The following UNC5D variants were observed in gnomAD, a reference collection of about 807,000 sequenced individuals.
UNC5D encodes the protein netrin receptor UNC5D.
UNC5D carries 39 observed loss-of-function variants against 105.4 expected under a neutral mutation model. The ratio of observed to expected loss-of-function variants is 0.37; its 90% CI spans 0.29 to 0.48. The LOEUF is 0.48. Among genes scored for constraint, UNC5D ranks in the 20% least tolerant of loss-of-function variants. The pLI is 0.98. For missense variants in UNC5D, 991 were observed against 1,202.4 expected, an observed-to-expected ratio of 0.82 and a Z score of 2.60; for synonymous variants, 452 against 450.4, an observed-to-expected ratio of 1.00 and a Z score of -0.04.
At chr8:35,643,484 T>C (rs1281357778) in intron 4 of UNC5D, among the ~76,000 whole-genome samples, 1 of 152,124 alleles carries the variant, frequency 6.6e-6, no homozygotes. Flanking sequence ...CCCCAGCTAA[T>C]TTTTGTATTT....
chr8:35,533,704 G>A (rs924524505), intron 1 of UNC5D, among the ~76,000 whole-genome samples: 2 of 152,194 alleles, frequency 1.3e-5, no homozygotes, highest in African/African-American at 4.8e-5. Context: ...GCGAGATTCC[G>A]TGGGCGTAGG....
At chr8:35,663,460 G>T (rs758382003) in intron 4 of UNC5D, among the ~76,000 whole-genome samples, 1 of 152,162 alleles carries the variant, frequency 6.6e-6, no homozygotes, top group Non-Finnish European at 1.5e-5. Flanking sequence ...GAGCCTTCTG[G>T]CTTAAAGGTA....
At chr8:35,622,352 A>G (rs1821413147) in intron 4 of UNC5D, among the ~76,000 whole-genome samples, 1 of 152,126 alleles carries the variant, frequency 6.6e-6, no homozygotes, top group Admixed American at 6.6e-5. Flanking sequence ...CAAAACAAAC[A>G]AACAAACAAA....
intron 1 of UNC5D, among the ~76,000 whole-genome samples, chr8:35,435,727 A>G (rs1806962931): frequency 6.6e-6 from 1 of 152,080 alleles, no homozygotes; most frequent in South Asian, 2.1e-4. Context: ...TAAAACTTGA[A>G]TTTCAAGTGT....
chr8:35,244,320 C>A (rs1338046124), intron 1 of UNC5D, among the ~76,000 whole-genome samples: 1 of 152,160 alleles, frequency 6.6e-6, no homozygotes, highest in Non-Finnish European at 1.5e-5. Context: ...TTTATTAGCA[C>A]ATGGATTGAT....
chr8:35,736,806 G>A (rs778026813), intron 11 of UNC5D, among the ~76,000 whole-genome samples: 18 of 152,182 alleles, frequency 1.2e-4, no homozygotes, highest in Non-Finnish European at 1.9e-4. Context: ...AAAGCAGAGC[G>A]AAATATGAAA....
chr8:35,701,954 G>A (rs938565136), intron 7 of UNC5D, among the ~76,000 whole-genome samples: 6 of 149,352 alleles, frequency 4.0e-5, no homozygotes, highest in African/African-American at 1.2e-4. Flanking sequence ...CAACTACCTA[G>A]TAACTGTGTA....
intron 16 of UNC5D, among the ~76,000 whole-genome samples, chr8:35,790,075 T>C (rs929771415): frequency 2.6e-5 from 4 of 152,114 alleles, no homozygotes; most frequent in South Asian, 4.1e-4. Flanking sequence ...GACTGTGCCA[T>C]TGCACTCCAG....
chr8:35,236,997 T>G (rs1391441153), intron 1 of UNC5D, among the ~76,000 whole-genome samples: 1 of 151,606 alleles, frequency 6.6e-6, no homozygotes, highest in Non-Finnish European at 1.5e-5. Context: ...GCCTGGAGAG[T>G]GAAAGGGTGG....
chr8:35,668,903 C>T (rs549325324), intron 4 of UNC5D, among the ~76,000 whole-genome samples: 1 of 152,060 alleles, frequency 6.6e-6, no homozygotes, highest in African/African-American at 2.4e-5. Context: ...TCTTGGTTTT[C>T]ATGATTCATG....
chr8:35,336,182 A>G (rs912448168), intron 1 of UNC5D, among the ~76,000 whole-genome samples: 8 of 152,190 alleles, frequency 5.3e-5, no homozygotes, highest in African/African-American at 1.9e-4. Context: ...AGAAGAGGTA[A>G]TATAAAGAAA....
intron 1 of UNC5D, among the ~76,000 whole-genome samples, chr8:35,394,916 T>C (rs578109439): frequency 4.6e-5 from 7 of 152,322 alleles, no homozygotes; most frequent in African/African-American, 1.4e-4. Context: ...ATACCCTTTT[T>C]GTATCCCAGA....
At chr8:35,318,410 A>G (rs895481494) in intron 1 of UNC5D, among the ~76,000 whole-genome samples, 1 of 152,096 alleles carries the variant, frequency 6.6e-6, no homozygotes, top group East Asian at 1.9e-4. Flanking sequence ...TAAGACACAT[A>G]CAATGAGGAT....
At chr8:35,477,210 G>A (rs28641967) in intron 1 of UNC5D, among the ~76,000 whole-genome samples, 1,927 of 152,150 alleles carry the variant, frequency 0.013, 55 homozygotes, top group African/African-American at 0.044. Flanking sequence ...GAATTTTAAC[G>A]TGTTCAAGCC....
intron 1 of UNC5D, among the ~76,000 whole-genome samples, chr8:35,239,485 T>C (rs1283204868): frequency 7.9e-6 from 1 of 127,386 alleles, no homozygotes; most frequent in Admixed American, 8.2e-5. Flanking sequence ...TTTGATATCC[T>C]TCCCTTCTGC....
At chr8:35,613,400 G>A (rs1240214531) in intron 4 of UNC5D, among the ~76,000 whole-genome samples, 35 of 152,208 alleles carry the variant, frequency 2.3e-4, no homozygotes, top group African/African-American at 2.4e-5. Context: ...TGCAGGAGTC[G>A]TTGTTGAGTG....
chr8:35,414,784 C>T (rs1352070715), intron 1 of UNC5D, among the ~76,000 whole-genome samples: 1 of 152,116 alleles, frequency 6.6e-6, no homozygotes, highest in Non-Finnish European at 1.5e-5. Flanking sequence ...TTATTCATTC[C>T]TAGCTTTCCT....
intron 1 of UNC5D, among the ~76,000 whole-genome samples, chr8:35,439,742 C>T (rs1246318293): frequency 6.6e-6 from 1 of 151,778 alleles, no homozygotes; most frequent in African/African-American, 2.4e-5. Context: ...GTCGTTTTTC[C>T]ATCTTCTAAA....
At chr8:35,513,224 T>C (rs1586019060) in intron 1 of UNC5D, among the ~76,000 whole-genome samples, 1 of 62,816 alleles carries the variant, frequency 1.6e-5, no homozygotes, top group African/African-American at 1.4e-4. Flanking sequence ...TGGACCCTCC[T>C]TTTTTTTTTT....
Sources: allele counts gnomAD v4.1 joint callset (sites outside exome capture counted in the v4.1 genomes callset), GRCh38; gene constraint gnomAD v4.1.1; transcripts MANE v1.5; gene names NCBI Gene and HGNC (gene_info 2026-07-23, HGNC 2026-07-21).